Variants in SNX18 observed in about 807,000 individuals in gnomAD.
SNX18 encodes sorting nexin-18.
A neutral mutation model predicts 48.7 loss-of-function variants in SNX18; 35 were observed. The observed-to-expected ratio is 0.72, with a 90% CI of 0.55 to 0.95. The LOEUF (loss-of-function observed/expected upper bound fraction) is 0.95, where lower values mean the gene tolerates loss of function less well. SNX18 is among the 40% of genes least tolerant of loss of function. The pLI, the probability that SNX18 is intolerant of heterozygous loss-of-function variation, is 0.00. For missense variants in SNX18, 824 were observed against 871.0 expected (o/e 0.95, Z 0.68); for synonymous variants, 492 against 384.7 (o/e 1.28, Z -3.26).
the SNX18 span, among the ~76,000 whole-genome samples, chr5:54,617,824 A>G: frequency 6.6e-6 from 1 of 152,004 alleles, no homozygotes; most frequent in African/African-American, 2.4e-5. Context: ...CGGCCTCTCC[A>G]AGTGCTGGGA....
At chr5:54,647,970 G>A in the SNX18 span, among the ~76,000 whole-genome samples, 225 of 151,512 alleles carry the variant, frequency 1.5e-3, 1 homozygote, top group African/African-American at 5.1e-3. Flanking sequence ...TGGTGTGTGC[G>A]GAATTGGTGG....
At chr5:54,592,715 G>A in the SNX18 span, among the ~76,000 whole-genome samples, 1 of 152,298 alleles carries the variant, frequency 6.6e-6, no homozygotes, top group South Asian at 2.1e-4. Context: ...ACATAGGAGA[G>A]CAGTGGATTT....
the SNX18 span, among the ~76,000 whole-genome samples, chr5:54,568,772 T>G: frequency 6.6e-6 from 1 of 151,944 alleles, no homozygotes; most frequent in Admixed American, 6.6e-5. Context: ...TCAACTACTT[T>G]TGCTTTTAGG....
the SNX18 span, among the ~76,000 whole-genome samples, chr5:54,589,665 A>G: frequency 1.3e-5 from 2 of 152,204 alleles, no homozygotes; most frequent in African/African-American, 4.8e-5. Context: ...TTGGAAGAGA[A>G]GTCGTTTCCT....
chr5:54,541,009 C>A (rs1278238148), intron 1 of SNX18, among the ~76,000 whole-genome samples: 1 of 151,896 alleles, frequency 6.6e-6, no homozygotes, highest in Admixed American at 6.6e-5. Context: ...GTTACACTTT[C>A]CTGGTCTTTT....
intron 1 of SNX18, among the ~76,000 whole-genome samples, chr5:54,541,526 T>C (rs1762470384): frequency 6.6e-6 from 1 of 152,120 alleles, no homozygotes; most frequent in South Asian, 2.1e-4. Flanking sequence ...ATTTTCAGAG[T>C]GATGGCTTCT....
At chr5:54,535,244 G>T (rs1045852522) in intron 1 of SNX18, among the ~76,000 whole-genome samples, 4 of 152,126 alleles carry the variant, frequency 2.6e-5, no homozygotes, top group African/African-American at 9.7e-5. Flanking sequence ...ACATTGGTTA[G>T]ATACAAAGAA....
At chr5:54,592,357 G>A in the SNX18 span, among the ~76,000 whole-genome samples, 1 of 152,176 alleles carries the variant, frequency 6.6e-6, no homozygotes, top group Non-Finnish European at 1.5e-5. Flanking sequence ...AATTCTTCTA[G>A]AAGTAACTAA....
chr5:54,525,976 A>T (rs910941030), intron 1 of SNX18, among the ~76,000 whole-genome samples: 1 of 152,178 alleles, frequency 6.6e-6, no homozygotes, highest in Admixed American at 6.5e-5. Flanking sequence ...GGAACTTCGA[A>T]TGTAAAAGTG....
chr5:54,592,652 A>T, the SNX18 span, among the ~76,000 whole-genome samples: 2 of 152,220 alleles, frequency 1.3e-5, no homozygotes, highest in African/African-American at 4.8e-5. Flanking sequence ...GCAATGCATG[A>T]ATAACATAGG....
intron 1 of SNX18, among the ~76,000 whole-genome samples, chr5:54,534,135 A>G (rs1284085104): frequency 2.6e-5 from 4 of 152,046 alleles, no homozygotes; most frequent in African/African-American, 9.7e-5. Flanking sequence ...CCCGTACACC[A>G]TGGCTTCTGT....
At chr5:54,523,835 G>T (rs1486395754) in intron 1 of SNX18, among the ~76,000 whole-genome samples, 1 of 152,170 alleles carries the variant, frequency 6.6e-6, no homozygotes, top group African/African-American at 2.4e-5. Context: ...TGGAGTCCCA[G>T]CAGGGCACAC....
chr5:54,577,169 A>G, the SNX18 span, among the ~76,000 whole-genome samples: 1 of 152,114 alleles, frequency 6.6e-6, no homozygotes, highest in Admixed American at 6.6e-5. Flanking sequence ...TCAAAACTCT[A>G]ATTCCATCAG....
chr5:54,615,406 G>T, the SNX18 span, among the ~76,000 whole-genome samples: 3 of 151,470 alleles, frequency 2.0e-5, no homozygotes, highest in East Asian at 5.8e-4. Context: ...CCCCAAGTCT[G>T]CCTCATGCAT....
the SNX18 span, among the ~76,000 whole-genome samples, chr5:54,610,982 A>G: frequency 6.6e-6 from 1 of 152,316 alleles, no homozygotes; most frequent in African/African-American, 2.4e-5. Flanking sequence ...GTTGATTTCT[A>G]TGGTCACCCT....
At chr5:54,572,815 A>G in the SNX18 span, among the ~76,000 whole-genome samples, 22 of 99,810 alleles carry the variant, frequency 2.2e-4, 1 homozygote, top group African/African-American at 7.9e-4. Flanking sequence ...TTTTTCTGAG[A>G]CAGAGTATCA....
At chr5:54,637,749 G>A in the SNX18 span, among the ~76,000 whole-genome samples, 4 of 151,818 alleles carry the variant, frequency 2.6e-5, no homozygotes, top group Admixed American at 6.6e-5. Flanking sequence ...TAACAACTCC[G>A]TGGGGTGAGA....
chr5:54,609,162 G>A, the SNX18 span, among the ~76,000 whole-genome samples: 9 of 152,152 alleles, frequency 5.9e-5, no homozygotes, highest in African/African-American at 1.9e-4. Context: ...GTCCAGTATG[G>A]TAGCCACTAG....
At position 54,545,463 on chromosome 5, in the gene SNX18, A is replaced by G. The variant is rs1452357697; in HGVS notation, c.*2031A>G. 1.3e-5 allele frequency: 2 copies of G among 151,988 alleles called. No homozygotes were observed. The highest frequency in any genetic ancestry group is 2.9e-5 in the Non-Finnish European group (2 of 67,972). The allele number at this position is 151,988 out of a possible 1,614,324, so 9.4% of individuals were successfully genotyped here. On this transcript the variant is annotated 3_prime_UTR_variant, in exon 2 of 2. Coordinates refer to ENST00000381410, the MANE Select transcript of SNX18 (RefSeq NM_001102575.2). The stretch of plus-strand genomic sequence containing the variant: ...TAAACTTGTGCAATGGTAGCATGGA[A>G]ATTATCTGAGGTATATTGTATGATT...
Sources: allele counts gnomAD v4.1 joint callset (sites outside exome capture counted in the v4.1 genomes callset), GRCh38; gene constraint gnomAD v4.1.1; transcripts MANE v1.5; gene names NCBI Gene and HGNC (gene_info 2026-07-23, HGNC 2026-07-21).